SLC71A2: variants seen among roughly 807,000 people sequenced by gnomAD.
SLC71A2 encodes hippocampus abundant transcript-like 1.
At chr9:94,457,881 G>A in the SLC71A2 span, among the ~76,000 whole-genome samples, 1 of 152,136 alleles carries the variant, frequency 6.6e-6, no homozygotes, top group Non-Finnish European at 1.5e-5. Flanking sequence ...GGCACTTCTG[G>A]GTTTTTCAGT....
At chr9:94,382,709 G>A in the SLC71A2 span, among the ~76,000 whole-genome samples, 3 of 151,856 alleles carry the variant, frequency 2.0e-5, no homozygotes, top group African/African-American at 7.3e-5. Flanking sequence ...GCCCAGGCTG[G>A]AGTGTAGTGG....
At chr9:94,453,512 T>C in the SLC71A2 span, among the ~76,000 whole-genome samples, 1 of 152,342 alleles carries the variant, frequency 6.6e-6, no homozygotes, top group South Asian at 2.1e-4. Context: ...TAGCAGAGTA[T>C]ATATTTGTTA....
chr9:94,448,091 A>G, the SLC71A2 span, among the ~76,000 whole-genome samples: 1 of 135,082 alleles, frequency 7.4e-6, no homozygotes, highest in Non-Finnish European at 1.6e-5. Context: ...TGTAACATTC[A>G]TGTACTGTAA....
chr9:94,420,943 T>A, the SLC71A2 span, among the ~76,000 whole-genome samples: 3 of 151,972 alleles, frequency 2.0e-5, no homozygotes, highest in Non-Finnish European at 2.9e-5. Flanking sequence ...ATGAAAGAAA[T>A]TCAAATCAAA....
At chr9:94,428,820 T>G in the SLC71A2 span, among the ~76,000 whole-genome samples, 2 of 151,986 alleles carry the variant, frequency 1.3e-5, no homozygotes, top group Non-Finnish European at 2.9e-5. Flanking sequence ...GCTCTGCCTA[T>G]TCATCCCTCC....
At chr9:94,411,877 C>A in the SLC71A2 span, among the ~76,000 whole-genome samples, 2 of 152,048 alleles carry the variant, frequency 1.3e-5, no homozygotes. Flanking sequence ...AGGTGTGAGC[C>A]ACTTCCCCTG....
chr9:94,447,605 T>C, the SLC71A2 span, among the ~76,000 whole-genome samples: 1 of 151,680 alleles, frequency 6.6e-6, no homozygotes, highest in East Asian at 2.0e-4. Context: ...CATAGCCTCC[T>C]CCACTATCAA....
the SLC71A2 span, among the ~76,000 whole-genome samples, chr9:94,403,380 C>CA: frequency 6.6e-6 from 1 of 151,776 alleles, no homozygotes; most frequent in Non-Finnish European, 1.5e-5. Flanking sequence ...TAAGGTGATC[C>CA]ACCCACCTCG....
chr9:94,459,532 T>G, the SLC71A2 span: 3 of 959,136 alleles, frequency 3.1e-6, no homozygotes, highest in Non-Finnish European at 1.5e-6. Context: ...GGGCCAAGTT[T>G]GATAAATACC....
At chr9:94,430,650 C>T in the SLC71A2 span, among the ~76,000 whole-genome samples, 1,067 of 152,184 alleles carry the variant, frequency 7.0e-3, 10 homozygotes, top group Non-Finnish European at 9.5e-3. Flanking sequence ...GAACAGTTAC[C>T]GGCTGAAGAT....
At chr9:94,436,593 C>T in the SLC71A2 span, among the ~76,000 whole-genome samples, 2 of 152,122 alleles carry the variant, frequency 1.3e-5, no homozygotes, top group African/African-American at 4.8e-5. Context: ...CTTTCCCCTC[C>T]TTCACCCACC....
At chr9:94,452,724 T>A in the SLC71A2 span, among the ~76,000 whole-genome samples, 2 of 99,708 alleles carry the variant, frequency 2.0e-5, no homozygotes, top group African/African-American at 5.5e-5. Context: ...CATATATATA[T>A]AATAGATATT....
the SLC71A2 span, chr9:94,460,196 T>C: frequency 6.6e-6 from 1 of 152,500 alleles, no homozygotes; most frequent in Non-Finnish European, 1.5e-5. Context: ...AACATAGAGA[T>C]TGTAGGCTGC....
At chr9:94,436,889 C>T in the SLC71A2 span, among the ~76,000 whole-genome samples, 1 of 152,112 alleles carries the variant, frequency 6.6e-6, no homozygotes, top group Non-Finnish European at 1.5e-5. Flanking sequence ...TGATAGGCAC[C>T]ACGGGTACAG....
chr9:94,457,472 G>T, the SLC71A2 span, among the ~76,000 whole-genome samples: 284 of 150,910 alleles, frequency 1.9e-3, no homozygotes, highest in Admixed American at 5.0e-3. Context: ...TTCTATATCA[G>T]AAGTTAGGTA....
chr9:94,459,011 T>G, the SLC71A2 span: 1 of 820,796 alleles, frequency 1.2e-6, no homozygotes, highest in Non-Finnish European at 1.9e-6. Context: ...CAAGCTCTAG[T>G]GGAGTTTGCC....
At chr9:94,390,254 C>G in the SLC71A2 span, among the ~76,000 whole-genome samples, 1 of 150,134 alleles carries the variant, frequency 6.7e-6, no homozygotes, top group African/African-American at 2.5e-5. Flanking sequence ...TAAATGTTTA[C>G]CCCGCTCATA....
the SLC71A2 span, among the ~76,000 whole-genome samples, chr9:94,383,504 C>G: frequency 6.6e-6 from 1 of 152,114 alleles, no homozygotes; most frequent in Admixed American, 6.5e-5. Context: ...ATATATTAGT[C>G]AGTCTCTGAA....
the SLC71A2 span, among the ~76,000 whole-genome samples, chr9:94,446,310 A>G: frequency 8.5e-5 from 13 of 152,232 alleles, no homozygotes; most frequent in Non-Finnish European, 2.9e-5. Flanking sequence ...CAAGGTTGTA[A>G]CATTCAACAA....
Sources: allele counts gnomAD v4.1 joint callset (sites outside exome capture counted in the v4.1 genomes callset), GRCh38; gene constraint gnomAD v4.1.1; transcripts MANE v1.5; gene names NCBI Gene and HGNC (gene_info 2026-07-23, HGNC 2026-07-21).